Variants in CSMD1 observed in about 807,000 individuals in gnomAD.
The protein encoded by CSMD1 is CUB and sushi domain-containing protein 1.
A neutral mutation model predicts 417.5 loss-of-function variants in CSMD1; 213 were observed. The observed-to-expected ratio is 0.51, with a 90% CI of 0.46 to 0.57. CSMD1 has a LOEUF of 0.57. CSMD1 is among the 20% of genes least tolerant of loss of function. CSMD1 has a pLI of 0.00. For synonymous variants in CSMD1, 2,862 were observed against 1,736.8 expected (o/e 1.65, Z -16.11); for missense variants, 6,923 against 4,529.7 (o/e 1.53, Z -15.17).
rs189383062 is a variant in CSMD1 at position 4,492,506 on chromosome 8, A to G, written c.303-72441T>C. ...TATATATAAAGTTGATTTCTTTTAA[A>G]CCACATCTGATCATTATAATATTTC... On this transcript the variant is annotated intron_variant, in intron 2 of 69. Coordinates refer to ENST00000635120, the MANE Select transcript of CSMD1 (RefSeq NM_033225.6). 4.4e-3 allele frequency among the ~76,000 whole-genome samples: 664 copies of G among 152,304 alleles called. 7 individuals carry two copies. Among genetic ancestry groups the G allele is most frequent in the South Asian group, 0.038 (182 of 4,828 alleles).
intron 21 of CSMD1, among the ~76,000 whole-genome samples, chr8:3,356,921 C>A (rs185037870): frequency 3.9e-5 from 6 of 152,030 alleles, no homozygotes; most frequent in Admixed American, 3.3e-4. Context: ...CTCTGTTACA[C>A]TGGGCAAATC....
At chr8:3,625,712 T>A (rs920009973) in intron 7 of CSMD1, among the ~76,000 whole-genome samples, 1 of 152,184 alleles carries the variant, frequency 6.6e-6, no homozygotes, top group African/African-American at 2.4e-5. Flanking sequence ...TAAAATTCAG[T>A]CATTCAACAT....
At chr8:3,331,098 C>T (rs957883092) in intron 23 of CSMD1, among the ~76,000 whole-genome samples, 6 of 151,936 alleles carry the variant, frequency 3.9e-5, no homozygotes, top group African/African-American at 7.3e-5. Flanking sequence ...ATTAGCCTGG[C>T]GTGGTGGCGG....
chr8:4,034,120 A>C (rs1315123916), intron 3 of CSMD1, among the ~76,000 whole-genome samples: 1 of 152,172 alleles, frequency 6.6e-6, no homozygotes, highest in Non-Finnish European at 1.5e-5. Flanking sequence ...GTAGAATAAT[A>C]TTTTCTGTTT....
Position 4,145,618 on chromosome 8 carries a change from G to A in CSMD1, c.416-113519C>T, listed in dbSNP as rs138592327. Among the ~76,000 whole-genome samples the A allele has an allele frequency of 1.9e-3, 292 of 150,898 alleles. 10 individuals are homozygous for A. The highest frequency in any genetic ancestry group is 2.7e-3 in the African/African-American group (107 of 40,290). On this transcript the variant is annotated intron_variant, in intron 3 of 69. Coordinates refer to ENST00000635120, the MANE Select transcript of CSMD1 (RefSeq NM_033225.6). ...TGCATGGGCTAGTGTCAAAGTCCTCGGCTCAAGCGATCCTGCCCACTTGGC... is the reference window on the plus strand; with the variant it reads ...TGCATGGGCTAGTGTCAAAGTCCTCAGCTCAAGCGATCCTGCCCACTTGGC...
intron 17 of CSMD1, among the ~76,000 whole-genome samples, chr8:3,394,004 A>T (rs796364489): frequency 9.7e-4 from 31 of 32,058 alleles, no homozygotes; most frequent in African/African-American, 1.8e-3. Context: ...TAATAATAAA[A>T]AAATAAATTA....
chr8:4,558,872 T>C (rs1798207770), intron 2 of CSMD1, among the ~76,000 whole-genome samples: 1 of 151,918 alleles, frequency 6.6e-6, no homozygotes, highest in Non-Finnish European at 1.5e-5. Flanking sequence ...CGTCTCAAAA[T>C]AAATAAATAA....
chr8:3,976,949 G>C (rs1471564920), intron 5 of CSMD1, among the ~76,000 whole-genome samples: 2 of 152,164 alleles, frequency 1.3e-5, no homozygotes, highest in South Asian at 2.1e-4. Flanking sequence ...ATTTGTCACA[G>C]GGCATAGTAC....
intron 23 of CSMD1, among the ~76,000 whole-genome samples, chr8:3,341,072 T>G (rs992584518): frequency 2.0e-5 from 3 of 152,224 alleles, no homozygotes; most frequent in African/African-American, 7.2e-5. Context: ...CTCAGTGAAG[T>G]GGAAGTGACC....
intron 3 of CSMD1, among the ~76,000 whole-genome samples, chr8:4,287,372 A>C (rs1270676070): frequency 6.6e-6 from 1 of 152,200 alleles, no homozygotes; most frequent in Non-Finnish European, 1.5e-5. Flanking sequence ...AATCTAGAGG[A>C]ACAATGTAAT....
intron 54 of CSMD1, among the ~76,000 whole-genome samples, chr8:2,985,718 AGGAGCTCAGT>A (rs1025003328): frequency 1.3e-5 from 2 of 152,166 alleles, no homozygotes; most frequent in African/African-American, 4.8e-5. Flanking sequence ...GCTTCACTCA[AGGAGCTCAGT>A]GGGAAATCAG....
rs554099923 is a variant in CSMD1, at chr8:3,104,757, G to C, written c.6949+1771C>G. 2.3e-4 allele frequency among the ~76,000 whole-genome samples: 35 copies of C among 149,990 alleles called. No homozygotes were observed. The East Asian group carries it at 6.5e-3, about 28-fold the overall frequency. ...GAGTTTTGCTGTGTCTCCCAGGCTG[G>C]AGAGCAATGGCAAGATCTCGGCTCA... is the stretch of plus-strand genomic sequence containing the variant. On this transcript the variant is annotated intron_variant, in intron 46 of 69. Transcript: ENST00000635120.
chr8:3,954,440 C>T (rs955295263), intron 5 of CSMD1, among the ~76,000 whole-genome samples: 4 of 152,092 alleles, frequency 2.6e-5, no homozygotes, highest in African/African-American at 9.7e-5. Context: ...GATCTCAGCT[C>T]ACTGCAACCT....
chr8:3,985,056 T>C (rs994826637), intron 5 of CSMD1, among the ~76,000 whole-genome samples: 2 of 152,098 alleles, frequency 1.3e-5, no homozygotes, highest in African/African-American at 4.8e-5. Context: ...GCTCATGTTC[T>C]TAGCTTTCAA....
chr8:4,137,202 T>G (rs1803492904), intron 3 of CSMD1, among the ~76,000 whole-genome samples: 1 of 152,204 alleles, frequency 6.6e-6, no homozygotes, highest in South Asian at 2.1e-4. Flanking sequence ...TCATCTTGCC[T>G]GGAAACAGTT....
In CSMD1 at chr8:3,654,414, G is replaced by A. The variant is rs368495040; in HGVS notation, c.1010-37617C>T. Among the ~76,000 whole-genome samples the A allele has an allele frequency of 2.5e-4, 38 of 152,294 alleles. No individual in the cohort carries two copies. In the East Asian group the frequency reaches 5.6e-3, roughly 22 times the overall value. On this transcript the variant is annotated intron_variant, in intron 7 of 69. Transcript: ENST00000635120. ...GCAGAGATGTAAAGTACCCTTTGGT[G>A]TAGTCCACATGCCTGTGCACATAGG...
intron 3 of CSMD1, among the ~76,000 whole-genome samples, chr8:4,236,466 C>T (rs1157954): frequency 6.6e-6 from 1 of 152,056 alleles, no homozygotes; most frequent in Non-Finnish European, 1.5e-5. Flanking sequence ...ACAACAAACA[C>T]AACTGGCTGT....
intron 7 of CSMD1, among the ~76,000 whole-genome samples, chr8:3,662,532 T>A (rs750096119): frequency 6.6e-6 from 1 of 152,214 alleles, no homozygotes; most frequent in African/African-American, 2.4e-5. Flanking sequence ...TAGAATGACT[T>A]AAAATCCTTT....
chr8:3,681,440 T>C (rs556274458), intron 7 of CSMD1, among the ~76,000 whole-genome samples: 100 of 152,186 alleles, frequency 6.6e-4, no homozygotes, highest in Non-Finnish European at 1.1e-3. Flanking sequence ...CCATTGACAA[T>C]TGTTTCAAAG....
Sources: allele counts gnomAD v4.1 joint callset (sites outside exome capture counted in the v4.1 genomes callset), GRCh38; gene constraint gnomAD v4.1.1; transcripts MANE v1.5; gene names NCBI Gene and HGNC (gene_info 2026-07-23, HGNC 2026-07-21).